The following ELMO1 variants were observed in gnomAD, a reference collection of about 807,000 sequenced individuals.
The protein encoded by ELMO1 is engulfment and cell motility 1, also known as engulfment and cell motility protein 1.
A neutral mutation model predicts 98.9 loss-of-function variants in ELMO1; 26 were observed. That is an observed-to-expected ratio of 0.26 (90% confidence interval 0.19 to 0.36). The LOEUF is 0.36. Ranked by LOEUF, ELMO1 falls within the 10% of genes least tolerant of loss-of-function variation. The probability of loss-of-function intolerance (pLI) is 1.00; values close to 1 mark genes in which losing one functional copy is unlikely to be tolerated. For synonymous variants in ELMO1, 346 were observed against 346.0 expected, an observed-to-expected ratio of 1.00 and a Z score of 0.00; for missense variants, 627 against 935.2, an observed-to-expected ratio of 0.67 and a Z score of 4.30.
intron 13 of ELMO1, among the ~76,000 whole-genome samples, chr7:37,197,600 A>G (rs1792045951): frequency 6.6e-6 from 1 of 152,032 alleles, no homozygotes; most frequent in Admixed American, 6.5e-5. Context: ...TAAAGATAGA[A>G]GGCATGCTAG....
intron 17 of ELMO1, among the ~76,000 whole-genome samples, chr7:36,892,471 A>T (rs1486149611): frequency 6.6e-6 from 1 of 152,140 alleles, no homozygotes; most frequent in African/African-American, 2.4e-5. Context: ...ACAGAGGGAG[A>T]CCAAGTGTCT....
At position 37,019,581 on chromosome 7, in the gene ELMO1, C is replaced by A. The variant is rs149156680; in HGVS notation, c.1301-6146G>T. On this transcript the variant is annotated intron_variant, in intron 15 of 21. Coordinates refer to ENST00000310758, the MANE Select transcript of ELMO1 (RefSeq NM_014800.11). ...ATAGCCTAAGTCTAAGAATAGAGTT[C>A]TTAGGTTTAAATAAACAAAGAAAAC... Among the ~76,000 whole-genome samples, 12 of 152,164 alleles carry A rather than the reference C, an allele frequency of 7.9e-5. No homozygotes were observed. The East Asian group carries it at 2.3e-3, about 29-fold the overall frequency.
In ELMO1 at chr7:36,912,744, CA is replaced by C. The variant is rs751618104; in HGVS notation, c.1438-17728del. 3.3e-5 allele frequency among the ~76,000 whole-genome samples: 5 copies of C among 152,250 alleles called. No individual in the cohort carries two copies. The East Asian group carries it at 9.7e-4, about 29-fold the overall frequency. ...AGTATTGGAACAAAGATTTCTTCAG[CA>C]GGTTATTTATCACCTCTGAGCCTTA... On this transcript the variant is annotated intron_variant, in intron 16 of 21. Coordinates refer to ENST00000310758, the MANE Select transcript of ELMO1 (RefSeq NM_014800.11).
chr7:37,401,886 GAGA>G (rs1803553642), intron 1 of ELMO1, among the ~76,000 whole-genome samples: 1 of 152,278 alleles, frequency 6.6e-6, no homozygotes. Context: ...ACATAGAAGT[GAGA>G]AGAAGAACCT....
intron 16 of ELMO1, among the ~76,000 whole-genome samples, chr7:36,947,869 T>G (rs913299161): frequency 5.9e-5 from 9 of 152,164 alleles, no homozygotes; most frequent in East Asian, 1.9e-4. Flanking sequence ...GCCCTGAGGA[T>G]TCTTTTCCTG....
At chr7:37,099,638 G>A (rs563548959) in intron 14 of ELMO1, among the ~76,000 whole-genome samples, 7 of 152,132 alleles carry the variant, frequency 4.6e-5, no homozygotes, top group African/African-American at 1.2e-4. Flanking sequence ...CTGGATATCC[G>A]TGCAATGTGA....
rs78931128 is a variant in ELMO1, at chr7:37,425,834, C to T, written c.-74+22841G>A. Among the ~76,000 whole-genome samples, 481 of 152,278 alleles carry T rather than the reference C, an allele frequency of 3.2e-3. 3 individuals are homozygous for T. Among genetic ancestry groups the T allele is most frequent in the African/African-American group, 0.011 (452 of 41,556 alleles). On this transcript the variant is annotated intron_variant, in intron 1 of 21. Transcript: ENST00000310758. ...ACTTGAGTCTTCTCCAACTGTAATA[C>T]GCTGATATACTGAGAACTTCTCAGG... is the stretch of plus-strand genomic sequence containing the variant.
At chr7:37,169,129 T>C (rs1326917395) in intron 13 of ELMO1, among the ~76,000 whole-genome samples, 1 of 152,174 alleles carries the variant, frequency 6.6e-6, no homozygotes, top group Non-Finnish European at 1.5e-5. Flanking sequence ...TCCGTGGGTG[T>C]AGGACCCTCC....
intron 4 of ELMO1, among the ~76,000 whole-genome samples, chr7:37,302,324 T>C (rs1798391964): frequency 6.6e-6 from 1 of 152,172 alleles, no homozygotes; most frequent in African/African-American, 2.4e-5. Context: ...CAGGGCAGGC[T>C]TGTGACTACT....
chr7:37,408,419 AG>A (rs1273076970), intron 1 of ELMO1, among the ~76,000 whole-genome samples: 1 of 152,212 alleles, frequency 6.6e-6, no homozygotes, highest in Non-Finnish European at 1.5e-5. Flanking sequence ...TGCTGTTGGT[AG>A]GAAGTGGAAA....
At chr7:37,275,561 A>G (rs1460397783) in intron 4 of ELMO1, among the ~76,000 whole-genome samples, 1 of 152,198 alleles carries the variant, frequency 6.6e-6, no homozygotes. Context: ...ATGCACTGTT[A>G]GAGGTGAATA....
At chr7:37,047,984 A>C (rs1795897199) in intron 15 of ELMO1, among the ~76,000 whole-genome samples, 1 of 152,230 alleles carries the variant, frequency 6.6e-6, no homozygotes, top group Non-Finnish European at 1.5e-5. Flanking sequence ...GGTTTATCTG[A>C]AAAATCATTC....
chr7:37,259,636 C>T (rs1365594706), intron 5 of ELMO1, among the ~76,000 whole-genome samples: 1 of 152,106 alleles, frequency 6.6e-6, no homozygotes, highest in Non-Finnish European at 1.5e-5. Flanking sequence ...AATATTAAAG[C>T]CCTAGAAACT....
chr7:37,399,167 C>T (rs569566821), intron 1 of ELMO1, among the ~76,000 whole-genome samples: 1 of 152,206 alleles, frequency 6.6e-6, no homozygotes, highest in East Asian at 1.9e-4. Context: ...GCTGTGATGT[C>T]ATAGCCTGCC....
chr7:37,213,230 A>C, intron 12 of ELMO1, 105 bp downstream of exon 12: 1 of 1,416,274 alleles, frequency 7.1e-7, no homozygotes, highest in Non-Finnish European at 9.5e-7. Context: ...AAATGACATC[A>C]TATCAAACTC....
chr7:37,098,711 C>A (rs1784487944), intron 14 of ELMO1, among the ~76,000 whole-genome samples: 1 of 152,126 alleles, frequency 6.6e-6, no homozygotes, highest in African/African-American at 2.4e-5. Flanking sequence ...AATTCCCATT[C>A]CAGAAAGCAG....
chr7:36,920,749 C>T (rs936365840), intron 16 of ELMO1, among the ~76,000 whole-genome samples: 1 of 152,084 alleles, frequency 6.6e-6, no homozygotes, highest in African/African-American at 2.4e-5. Flanking sequence ...GTTAGACTGA[C>T]CACCTTGTGT....
chr7:37,103,840 C>A (rs6972274), intron 14 of ELMO1, among the ~76,000 whole-genome samples: 150,145 of 150,148 alleles, frequency 1, 75,071 homozygotes, highest in Non-Finnish European at 1. Context: ...ACTAAGAATA[C>A]AAAATATATA....
chr7:37,113,040 G>A (rs373779641), intron 14 of ELMO1, among the ~76,000 whole-genome samples: 15 of 152,348 alleles, frequency 9.8e-5, no homozygotes, highest in Non-Finnish European at 1.9e-4. Context: ...CTGGGGCAAG[G>A]CCATTTTGGG....
Sources: gnomAD v4.1 joint callset for allele counts (sites outside exome capture counted in the v4.1 genomes callset) on GRCh38, gnomAD v4.1.1 for gene constraint, MANE v1.5 for transcripts, NCBI Gene and HGNC (gene_info 2026-07-23, HGNC 2026-07-21) for gene names.